The following BNC2 variants were observed in gnomAD, a reference collection of about 807,000 sequenced individuals.
BNC2 encodes the protein zinc finger protein basonuclin-2.
Under a neutral mutation model 76.3 loss-of-function variants are expected in BNC2, and 20 were observed. The observed-to-expected ratio is 0.26, with a 90% confidence interval of 0.18 to 0.38. The LOEUF (loss-of-function observed/expected upper bound fraction) is 0.38. BNC2 is among the 10% of genes least tolerant of loss of function. The pLI is 1.00. For missense variants in BNC2, 1,382 were observed against 1,399.8 expected, an observed-to-expected ratio of 0.99 and a Z score of 0.20; for synonymous variants, 582 against 514.8, an observed-to-expected ratio of 1.13 and a Z score of -1.77.
chr9:16,800,559 C>CT (rs540689632), intron 1 of BNC2, among the ~76,000 whole-genome samples: 44 of 149,432 alleles, frequency 2.9e-4, no homozygotes, highest in Middle Eastern at 3.4e-3. Context: ...CACTGGAACT[C>CT]TTTTTTTTTT....
chr9:16,452,221 T>C (rs1821356577), intron 5 of BNC2, among the ~76,000 whole-genome samples: 1 of 152,170 alleles, frequency 6.6e-6, no homozygotes, highest in Non-Finnish European at 1.5e-5. Flanking sequence ...AAGTTACCTA[T>C]TCTTAGAAAA....
intron 5 of BNC2, among the ~76,000 whole-genome samples, chr9:16,438,255 T>C (rs1422122660): frequency 6.6e-6 from 1 of 152,204 alleles, no homozygotes; most frequent in African/African-American, 2.4e-5. Context: ...TGAGTTAGAC[T>C]TAATGTATTT....
chr9:16,668,780 G>GCT, intron 3 of BNC2, among the ~76,000 whole-genome samples: 1 of 152,110 alleles, frequency 6.6e-6, no homozygotes, highest in African/African-American at 2.4e-5. Flanking sequence ...TCTCTTGTTG[G>GCT]GCAAACTGCC....
chr9:16,562,895 T>C (rs985124800), intron 4 of BNC2, among the ~76,000 whole-genome samples: 1 of 152,202 alleles, frequency 6.6e-6, no homozygotes, highest in African/African-American at 2.4e-5. Context: ...TAAAGAGAAA[T>C]AGCATGTGTA....
At position 16,741,635 on chromosome 9, in the gene BNC2, G is replaced by A. The variant is rs543922285; in HGVS notation, c.4-3150C>T. 6.6e-5 allele frequency among the ~76,000 whole-genome samples: 10 copies of A among 152,140 alleles called. No individual in the cohort carries two copies. The South Asian group carries it at 1.9e-3, about 28-fold the overall frequency. The stretch of plus-strand genomic sequence containing the variant: ...ATACTTAGAACCAGCAAGGAGTTCT[G>A]GACACAAAGAGAAAAATACCTTGCT... On this transcript the variant is annotated intron_variant, in intron 1 of 6. Transcript: ENST00000380672.
At chr9:16,634,436 T>C (rs1300753551) in intron 3 of BNC2, among the ~76,000 whole-genome samples, 1 of 152,134 alleles carries the variant, frequency 6.6e-6, no homozygotes, top group Non-Finnish European at 1.5e-5. Flanking sequence ...AAACCAAATA[T>C]GATTATTGTT....
At chr9:16,751,582 A>G (rs1825196412) in intron 1 of BNC2, among the ~76,000 whole-genome samples, 1 of 146,082 alleles carries the variant, frequency 6.8e-6, no homozygotes, top group African/African-American at 2.5e-5. Context: ...TTCTAGAAAT[A>G]TAAAGCTGCT....
intron 1 of BNC2, among the ~76,000 whole-genome samples, chr9:16,836,562 T>G (rs967971267): frequency 1.3e-5 from 2 of 151,828 alleles, no homozygotes; most frequent in African/African-American, 4.8e-5. Flanking sequence ...AAGAATATAT[T>G]TAATGTCTCC....
At chr9:16,753,987 G>C (rs1374722274) in intron 1 of BNC2, among the ~76,000 whole-genome samples, 9 of 152,144 alleles carry the variant, frequency 5.9e-5, no homozygotes, top group Admixed American at 5.9e-4. Flanking sequence ...ACAACCAATG[G>C]GGTCCATGGC....
At chr9:16,790,060 C>T (rs552101182) in intron 1 of BNC2, among the ~76,000 whole-genome samples, 7 of 152,256 alleles carry the variant, frequency 4.6e-5, no homozygotes, top group South Asian at 2.1e-4. Context: ...AGTGCAGTGG[C>T]GCGATCTCGG....
intron 1 of BNC2, among the ~76,000 whole-genome samples, chr9:16,852,845 G>A (rs190148383): frequency 9.8e-5 from 15 of 152,288 alleles, no homozygotes; most frequent in Non-Finnish European, 2.1e-4. Flanking sequence ...CATGCAAAGG[G>A]CTGAGGTAGG....
intron 3 of BNC2, among the ~76,000 whole-genome samples, chr9:16,606,842 G>A (rs1317981426): frequency 6.6e-6 from 1 of 152,224 alleles, no homozygotes; most frequent in East Asian, 1.9e-4. Flanking sequence ...AGAGGTGTGA[G>A]CCACCACGCC....
chr9:16,521,025 T>C (rs983221259), intron 5 of BNC2, among the ~76,000 whole-genome samples: 3 of 152,132 alleles, frequency 2.0e-5, no homozygotes, highest in East Asian at 1.9e-4. Flanking sequence ...AAGGGAACTG[T>C]GGGGCCATCC....
chr9:16,595,490 T>A (rs1010390727), intron 3 of BNC2, among the ~76,000 whole-genome samples: 1 of 152,154 alleles, frequency 6.6e-6, no homozygotes, highest in Non-Finnish European at 1.5e-5. Context: ...ATCTTGATTT[T>A]ACCAGTGGCT....
intron 5 of BNC2, among the ~76,000 whole-genome samples, chr9:16,516,574 T>A (rs1817450314): frequency 6.6e-6 from 1 of 152,150 alleles, no homozygotes; most frequent in South Asian, 2.1e-4. Context: ...TTTATTTCTA[T>A]CCCAAAGCGG....
At chr9:16,753,910 T>G (rs1051710988) in intron 1 of BNC2, among the ~76,000 whole-genome samples, 1 of 152,144 alleles carries the variant, frequency 6.6e-6, no homozygotes, top group Non-Finnish European at 1.5e-5. Context: ...TCACACTGAA[T>G]GTCTATGCCT....
intron 5 of BNC2, among the ~76,000 whole-genome samples, chr9:16,466,085 T>C (rs1247066880): frequency 8.5e-5 from 7 of 82,118 alleles, no homozygotes; most frequent in Admixed American, 3.1e-4. Flanking sequence ...TCACAATTGC[T>C]TCAAAGAGAA....
At chr9:16,677,498 C>G (rs12685518) in intron 3 of BNC2, among the ~76,000 whole-genome samples, 66,972 of 151,312 alleles carry the variant, frequency 0.44, 20,274 homozygotes, top group African/African-American at 0.83. Flanking sequence ...GCTTGGACCT[C>G]GGAGGTGGAG....
chr9:16,472,096 T>C (rs1005079567), intron 5 of BNC2, among the ~76,000 whole-genome samples: 1 of 152,218 alleles, frequency 6.6e-6, no homozygotes, highest in Admixed American at 6.5e-5. Flanking sequence ...TTCAGTTATG[T>C]CTTTATCAAC....
Sources: gnomAD v4.1 joint callset for allele counts (sites outside exome capture counted in the v4.1 genomes callset) on GRCh38, gnomAD v4.1.1 for gene constraint, MANE v1.5 for transcripts, NCBI Gene and HGNC (gene_info 2026-07-23, HGNC 2026-07-21) for gene names.